The following LRIG1 variants were observed in gnomAD, a reference collection of about 807,000 sequenced individuals.
The protein encoded by LRIG1 is leucine-rich repeats and immunoglobulin-like domains protein 1.
A neutral mutation model predicts 99.2 loss-of-function variants in LRIG1; 48 were observed. That is an observed-to-expected ratio of 0.48 (90% CI 0.38 to 0.62). The LOEUF (loss-of-function observed/expected upper bound fraction) is 0.62. Among genes scored for constraint, LRIG1 ranks in the 20% least tolerant of loss-of-function variants. LRIG1 has a pLI of 0.00. For synonymous variants in LRIG1, 772 were observed against 596.1 expected, an observed-to-expected ratio of 1.29 and a Z score of -4.30; for missense variants, 1,646 against 1,434.4, an observed-to-expected ratio of 1.15 and a Z score of -2.38.
intron 12 of LRIG1, among the ~76,000 whole-genome samples, chr3:66,392,476 T>G (rs1701659283): frequency 6.6e-6 from 1 of 152,160 alleles, no homozygotes; most frequent in Admixed American, 6.5e-5. Context: ...ATTCTAGCTG[T>G]CCTAGTGGAT....
At chr3:66,407,614 C>T (rs544071579) in intron 7 of LRIG1, 123 bp from the exon 8 acceptor site, 12 of 1,026,872 alleles carry the variant, frequency 1.2e-5, no homozygotes, top group African/African-American at 1.0e-4. Flanking sequence ...CACACGCACG[C>T]GCGTGCGTGC....
In LRIG1 at chr3:66,405,211, T is replaced by G. The variant is rs530931960; in HGVS notation, c.1147A>C (p.Ser383Arg). 6.2e-7 allele frequency: 1 copy of G among 1,614,188 alleles called. No homozygotes were observed. The highest frequency in any genetic ancestry group is 1.3e-5 in the African/African-American group (1 of 75,076). Residue 383 changes from serine (S) to arginine (R), a missense_variant, in exon 9 of 19, where the codon AGC becomes CGC. By Grantham distance (110) the Ser-to-Arg change is moderately radical. Transcript: ENST00000273261. ...DTSGAFSGLD[S>R]LSKLTLFGNK... is the part of the protein sequence containing the mutation. The stretch of plus-strand genomic sequence containing the variant: ...GCGGATACTCACAGCTTGCTGAGGC[T>G]GTCGAGCCCTGAGAAGGCGCCGCTC...
intron 8 of LRIG1, chr3:66,405,777 G>A (rs773700097): frequency 2.5e-6 from 3 of 1,185,620 alleles, no homozygotes; most frequent in Non-Finnish European, 3.2e-6. Context: ...GGAGCCCGGA[G>A]CCCATCTCCT....
intron 4 of LRIG1, among the ~76,000 whole-genome samples, chr3:66,416,813 A>G (rs2280576): frequency 0.84 from 128,450 of 152,244 alleles, 55,318 homozygotes; most frequent in Non-Finnish European, 0.91. Context: ...AAATGGGAAA[A>G]AAAGCAGGCT....
rs1348078633 is a variant in LRIG1 at position 66,412,823 on chromosome 3, C to A, written c.791+48G>T. On this transcript the variant is annotated intron_variant, in intron 6 of 18. Transcript: ENST00000273261. ...CACACACACACGCCACATCACACCA[C>A]ACCGCACAGCAATCCTTAGCAATGC... 9 of 1,605,740 alleles carry A rather than the reference C, an allele frequency of 5.6e-6. No homozygotes were observed. In the East Asian group the frequency reaches 2.0e-4, roughly 36 times the overall value.
chr3:66,451,293 AT>A lies in LRIG1; in HGVS notation c.365+265del, dbSNP rs553576526. Among the ~76,000 whole-genome samples the A allele has an allele frequency of 4.6e-5, 7 of 150,912 alleles. No individual in the cohort carries two copies. The South Asian group carries it at 1.5e-3, about 32-fold the overall frequency. ...CCACAGAAGCAAGAAATCTAGTTCC[AT>A]ATACCTCTGCGCATTAAAAAAAAAA... On this transcript the variant is annotated intron_variant, in intron 3 of 18. Coordinates refer to ENST00000273261, the MANE Select transcript of LRIG1 (RefSeq NM_015541.3).
intron 1 of LRIG1, among the ~76,000 whole-genome samples, chr3:66,493,912 A>G (rs184716278): frequency 7.5e-4 from 114 of 151,678 alleles, no homozygotes; most frequent in African/African-American, 2.7e-3. Flanking sequence ...AAAAAGAAAG[A>G]AGGGAGGAGA....
chr3:66,383,492 A>G, intron 14 of LRIG1, 91 bp from the exon 15 acceptor site: 2 of 1,101,078 alleles, frequency 1.8e-6, no homozygotes, highest in Non-Finnish European at 2.6e-6. Context: ...AATCCAACAT[A>G]TCAATGAGAT....
chr3:66,415,232 G>A (rs1369201199), intron 4 of LRIG1, among the ~76,000 whole-genome samples, 169 bp from the exon 5 acceptor site: 1 of 152,222 alleles, frequency 6.6e-6, no homozygotes, highest in Non-Finnish European at 1.5e-5. Context: ...GGGAGCTAGA[G>A]AGATGCAGGT....
intron 3 of LRIG1, among the ~76,000 whole-genome samples, chr3:66,421,713 G>A (rs918306590): frequency 6.6e-6 from 1 of 152,196 alleles, no homozygotes; most frequent in Non-Finnish European, 1.5e-5. Flanking sequence ...CCTAGGCAGT[G>A]CCGCAGTAGG....
intron 1 of LRIG1, chr3:66,468,940 G>C (rs1214067756): frequency 6.6e-6 from 1 of 152,164 alleles, no homozygotes; most frequent in Non-Finnish European, 1.5e-5. Context: ...TTTTATAAAA[G>C]AGAATAAGAC....
At chr3:66,436,049 C>T (rs566376685) in intron 3 of LRIG1, among the ~76,000 whole-genome samples, 2 of 152,298 alleles carry the variant, frequency 1.3e-5, no homozygotes, top group South Asian at 2.1e-4. Context: ...TATGCATGAA[C>T]TGTTTAATTA....
chr3:66,413,148 G>A (rs761323022), intron 5 of LRIG1, 134 bp from the exon 6 acceptor site: 13 of 966,726 alleles, frequency 1.3e-5, no homozygotes, highest in Non-Finnish European at 2.0e-5. Context: ...AAGCCAGGAT[G>A]TGTAGGGGAG....
intron 17 of LRIG1, 158 bp from the exon 18 acceptor site, chr3:66,381,019 A>T (rs1019367445): frequency 8.5e-6 from 6 of 705,516 alleles, no homozygotes; most frequent in Non-Finnish European, 1.4e-5. Context: ...TCCCCAGAGA[A>T]AGGACTGGGC....
intron 1 of LRIG1, among the ~76,000 whole-genome samples, chr3:66,496,364 T>G (rs368363181): frequency 5.9e-5 from 9 of 152,322 alleles, no homozygotes; most frequent in African/African-American, 2.2e-4. Flanking sequence ...GGCCACAATT[T>G]CATATCAGCA....
intron 9 of LRIG1, chr3:66,404,210 T>C: frequency 1.6e-6 from 2 of 1,276,444 alleles, no homozygotes; most frequent in South Asian, 1.2e-5. Context: ...CAGAAGCATC[T>C]ACTATATAAA....
chr3:66,426,022 A>G (rs1702972083), intron 3 of LRIG1, among the ~76,000 whole-genome samples: 1 of 152,232 alleles, frequency 6.6e-6, no homozygotes, highest in Non-Finnish European at 1.5e-5. Context: ...CTGGTTTACA[A>G]GGTATTCCCG....
chr3:66,468,483 A>G lies in LRIG1; in HGVS notation c.219-5974T>C, dbSNP rs151246635. ...TGGTTTCCAGGCTAGCCTATTTCCC[A>G]TTACTCAATTCTGTCTGGACTCCTG... On this transcript the variant is annotated intron_variant, in intron 1 of 18. Transcript: ENST00000273261. Among the ~76,000 whole-genome samples the G allele has an allele frequency of 4.6e-3, 701 of 152,284 alleles. 5 individuals are homozygous for G. The highest frequency in any genetic ancestry group is 0.016 in the African/African-American group (663 of 41,552).
intron 3 of LRIG1, among the ~76,000 whole-genome samples, chr3:66,449,142 C>T (rs1475518046): frequency 1.3e-5 from 2 of 152,166 alleles, no homozygotes; most frequent in Non-Finnish European, 2.9e-5. Context: ...TTGTTTTCTC[C>T]CTTGTCCTTT....
Sources: gnomAD v4.1 joint callset for allele counts (sites outside exome capture counted in the v4.1 genomes callset) on GRCh38, gnomAD v4.1.1 for gene constraint, MANE v1.5 for transcripts, NCBI Gene and HGNC (gene_info 2026-07-23, HGNC 2026-07-21) for gene names.